The following ANKRD11 variants were observed in gnomAD, a reference collection of about 807,000 sequenced individuals.
ANKRD11 encodes the protein ankyrin repeat domain-containing protein 11.
ANKRD11 carries 17 observed loss-of-function variants against 195.7 expected under a neutral mutation model. That is an observed-to-expected ratio of 0.09 (90% CI 0.06 to 0.13). The LOEUF is 0.13. Ranked by LOEUF, ANKRD11 falls within the 10% of genes least tolerant of loss-of-function variation. ANKRD11 has a pLI of 1.00. For synonymous variants in ANKRD11, 1,953 were observed against 1,528.1 expected (o/e 1.28, Z -6.49); for missense variants, 3,735 against 3,566.1 (o/e 1.05, Z -1.21).
In ANKRD11 at chr16:89,280,292, C is replaced by T. The variant is rs1189225404; in HGVS notation, c.6250G>A (p.Ala2084Thr). Residue 2084 changes from alanine to threonine, a missense_variant, in exon 9 of 13, where the codon GCC (alanine) becomes ACC (threonine). Coordinates refer to ENST00000301030, the MANE Select transcript of ANKRD11 (RefSeq NM_013275.6). ...EAPLDVAPEP[A>T]CVAAVAQVEA... is the part of the protein sequence containing the mutation. ...ACCTGAGCCACAGCGGCTACACAGGCGGGCTCGGGGGCCACGTCCAGCGGG... is the reference window on the plus strand; with the variant it reads ...ACCTGAGCCACAGCGGCTACACAGGTGGGCTCGGGGGCCACGTCCAGCGGG... 3.1e-6 allele frequency: 5 copies of T among 1,602,064 alleles called. No homozygotes were observed. The highest frequency in any genetic ancestry group is 1.3e-5 in the African/African-American group (1 of 74,630).
chr16:89,444,544 C>T (rs2043693534), intron 1 of ANKRD11, among the ~76,000 whole-genome samples: 1 of 152,178 alleles, frequency 6.6e-6, no homozygotes, highest in South Asian at 2.1e-4. Context: ...ACTTCGATAT[C>T]ACCTGAAATC....
At chr16:89,278,469 C>A in intron 9 of ANKRD11, 1 of 452,614 alleles carries the variant, frequency 2.2e-6, no homozygotes, top group Non-Finnish European at 4.4e-6. Context: ...GGGGGTGATT[C>A]CGAGATGTTT....
chr16:89,294,900 C>T (rs933308134), intron 4 of ANKRD11, among the ~76,000 whole-genome samples: 8 of 152,190 alleles, frequency 5.3e-5, no homozygotes, highest in African/African-American at 1.7e-4. Flanking sequence ...GCAGGAGGCG[C>T]GGGGTGTTGT....
rs1411662176 is a variant in ANKRD11 at position 89,281,709 on chromosome 16, C to G, written c.4833G>C (p.Leu1611=). 1 of 1,614,160 alleles carries G rather than the reference C, an allele frequency of 6.2e-7. No homozygotes were observed. The highest frequency in any genetic ancestry group is 1.1e-5 in the South Asian group (1 of 91,080). Residue 1611 remains leucine, a synonymous_variant, in exon 9 of 13, where the codon CTG becomes CTC. Transcript: ENST00000301030. The surrounding 1 kb of genome is among the most constrained non-coding windows in gnomAD (Gnocchi z 5.5). The stretch of plus-strand genomic sequence containing the variant: ...GCTTGGGGTCTCCGGACCGGTGCCT[C>G]AGCTTCTCCATTTGCTTCATCCTCT... ...HKERMKQMEK[L]RHRSGDPKLK...
chr16:89,457,459 G>A (rs985045853), intron 1 of ANKRD11, among the ~76,000 whole-genome samples: 8 of 151,312 alleles, frequency 5.3e-5, no homozygotes, highest in South Asian at 2.1e-4. Context: ...TTAGCCAGGC[G>A]TGGTGGTGGG....
intron 1 of ANKRD11, among the ~76,000 whole-genome samples, chr16:89,424,852 C>T (rs1044297024): frequency 6.6e-6 from 1 of 152,106 alleles, no homozygotes; most frequent in Non-Finnish European, 1.5e-5. Flanking sequence ...GTGGTGAACA[C>T]GCACAGAACT....
At chr16:89,302,432 T>C (rs2035915841) in intron 4 of ANKRD11, among the ~76,000 whole-genome samples, 3 of 152,186 alleles carry the variant, frequency 2.0e-5, no homozygotes, top group Non-Finnish European at 4.4e-5. Context: ...TTTGTATTTT[T>C]AGTAGCGACA....
chr16:89,477,270 G>A (rs1047294837), intron 1 of ANKRD11, among the ~76,000 whole-genome samples: 8 of 150,428 alleles, frequency 5.3e-5, no homozygotes, highest in African/African-American at 7.4e-5. Context: ...TCGGCTCACT[G>A]CAACCTCCAC....
intron 2 of ANKRD11, among the ~76,000 whole-genome samples, chr16:89,413,388 G>A (rs2042172438): frequency 6.6e-6 from 1 of 152,186 alleles, no homozygotes. Flanking sequence ...CACTTTGGGA[G>A]GCTGAGGTGG....
At chr16:89,383,937 C>T (rs1036847734) in intron 2 of ANKRD11, among the ~76,000 whole-genome samples, 2 of 152,236 alleles carry the variant, frequency 1.3e-5, no homozygotes, top group East Asian at 3.8e-4. Flanking sequence ...CTGACGAAGG[C>T]GCTTCACAAA....
In ANKRD11 at chr16:89,282,882, C is replaced by T. The variant is rs150015583; in HGVS notation, c.3660G>A (p.Arg1220=). ...DKESTEKYKD[R]KDRASVDSTQ... ...TGGAGTCCACTGAGGCTCTGTCCTT[C>T]CTGTCCTTGTACTTTTCTGTGGACT... The change falls in exon 9 of 13, where the codon AGG becomes AGA. Residue 1220 remains arginine (R), a synonymous_variant. Transcript: ENST00000301030. The T allele has an allele frequency of 2.2e-3, 3,593 of 1,613,022 alleles. 9 individuals carry two copies. Among genetic ancestry groups the T allele is most frequent in the Non-Finnish European group, 3.0e-3 (3,482 of 1,180,006 alleles).
At chr16:89,305,168 G>A in intron 4 of ANKRD11, 38 bp downstream of exon 4, 3 of 1,605,174 alleles carry the variant, frequency 1.9e-6, no homozygotes, top group Non-Finnish European at 2.5e-6. Context: ...CGGGCTGCCT[G>A]TGGAGGGCTG....
intron 1 of ANKRD11, among the ~76,000 whole-genome samples, chr16:89,481,917 A>G (rs1414802492): frequency 1.3e-5 from 2 of 151,732 alleles, no homozygotes; most frequent in Admixed American, 6.6e-5. Context: ...CATAGCTTAC[A>G]GTTAAAAAAA....
At chr16:89,354,980 A>C (rs75263440) in intron 2 of ANKRD11, among the ~76,000 whole-genome samples, 6,003 of 152,304 alleles carry the variant, frequency 0.039, 250 homozygotes, top group East Asian at 0.2. Context: ...CAGACTTTCC[A>C]AGTCCCAGGA....
At chr16:89,390,552 C>G (rs910898164) in intron 2 of ANKRD11, among the ~76,000 whole-genome samples, 1 of 152,158 alleles carries the variant, frequency 6.6e-6, no homozygotes, top group Non-Finnish European at 1.5e-5. Flanking sequence ...CCAAGAAGCT[C>G]AACAAATCCC....
chr16:89,338,685 A>G (rs1174366306), intron 2 of ANKRD11, among the ~76,000 whole-genome samples: 3 of 133,766 alleles, frequency 2.2e-5, no homozygotes, highest in African/African-American at 8.6e-5. Flanking sequence ...AGATCACGCC[A>G]CTGCCCTCCA....
rs754446219 is a variant in ANKRD11 at position 89,283,608 on chromosome 16, C to T, written c.2934G>A (p.Glu978=). Residue 978 remains glutamate, a synonymous_variant, in exon 9 of 13, where the codon GAG becomes GAA. Transcript: ENST00000301030. This position sits in a 1 kb window ranked among gnomAD's most constrained non-coding sequence, Gnocchi z 4.3. ...CCTTGAAGCCACTCTCGCAGCCACACTCCTTCAGCTCCTCCCGGTGCGCCT... is the reference window on the plus strand; with the variant it reads ...CCTTGAAGCCACTCTCGCAGCCACATTCCTTCAGCTCCTCCCGGTGCGCCT... ...PEEAHREELK[E]CGCESGFKDK... is the part of the protein sequence containing the mutation. 6 of 1,609,882 alleles carry T rather than the reference C, an allele frequency of 3.7e-6. No homozygotes were observed. In the African/African-American group the frequency reaches 4.0e-5, roughly 11 times the overall value.
intron 2 of ANKRD11, among the ~76,000 whole-genome samples, chr16:89,370,408 AC>A (rs2040142552): frequency 6.6e-6 from 1 of 152,098 alleles, no homozygotes; most frequent in African/African-American, 2.4e-5. Context: ...TTAGGATCCT[AC>A]AGGATCCTGA....
intron 4 of ANKRD11, among the ~76,000 whole-genome samples, chr16:89,293,217 A>G (rs1334248001): frequency 1.3e-5 from 2 of 152,204 alleles, no homozygotes; most frequent in East Asian, 3.8e-4. Flanking sequence ...AAGCCCCCTG[A>G]GAACACGAGG....
Sources: gnomAD v4.1 joint callset for allele counts (sites outside exome capture counted in the v4.1 genomes callset) on GRCh38, gnomAD v4.1.1 for gene constraint, Gnocchi (gnomAD v3.1) non-coding constraint, MANE v1.5 for transcripts, NCBI Gene and HGNC (gene_info 2026-07-23, HGNC 2026-07-21) for gene names.